The following NTN5 variants were observed in gnomAD, a reference collection of about 807,000 sequenced individuals.
The protein encoded by NTN5 is netrin-5.
NTN5 carries 42 observed loss-of-function variants against 38.7 expected under a neutral mutation model. That is an observed-to-expected ratio of 1.08 (90% CI 0.85 to 1.40). The LOEUF (loss-of-function observed/expected upper bound fraction) is 1.40, where lower values mean the gene tolerates loss of function less well. Ranked by LOEUF, NTN5 falls within the 40% of genes most tolerant of loss-of-function variation. The probability of loss-of-function intolerance (pLI) is 0.00; values close to 1 mark genes in which losing one functional copy is unlikely to be tolerated. For missense variants in NTN5, 658 were observed against 716.5 expected (o/e 0.92, Z 0.93); for synonymous variants, 329 against 303.9 (o/e 1.08, Z -0.86).
chr19:48,671,468 G>A (rs1358969299), intron 1 of NTN5, among the ~76,000 whole-genome samples: 1 of 152,006 alleles, frequency 6.6e-6, no homozygotes, highest in Non-Finnish European at 1.5e-5. Context: ...GGAGGCGCTC[G>A]GCACAGAGAA....
At position 48,664,688 on chromosome 19, in the gene NTN5, AC is replaced by A. The variant is rs1345837983; in HGVS notation, c.710del (p.Gly237ValfsTer62). On this transcript the variant is annotated frameshift_variant, in exon 3 of 7. Coordinates refer to ENST00000270235, the MANE Select transcript of NTN5 (RefSeq NM_145807.4). LOFTEE classifies it high-confidence loss of function. ...LFRLSGGRSG[G>X]VCERCRHHTA... ...TGTGGTGGCGGCACCGCTCACAAAC[AC>A]CCCCACTCCGGCCGCCCGACAGTCT... The A allele has an allele frequency of 6.8e-6, 11 of 1,606,850 alleles. No individual in the cohort carries two copies. The highest frequency in any genetic ancestry group is 4.0e-5 in the African/African-American group (3 of 74,652).
At position 48,670,645 on chromosome 19, in the gene NTN5, G is replaced by A. The variant is rs1386732067; in HGVS notation, c.342C>T (p.Ala114=). Residue 114 remains alanine, a synonymous_variant, in exon 2 of 7, where the codon GCC becomes GCT. Transcript: ENST00000270235. Reference sequence around the variant, plus strand: ...AGGTCACCCTTTCAGGGCCCCCTAAGGCCCCAGGCCAGGCGGGCCTGTGCC... The same window carrying A: ...AGGTCACCCTTTCAGGGCCCCCTAAAGCCCCAGGCCAGGCGGGCCTGTGCC... ...LLWHRPAWPG[A]LGGPERVTFH... The A allele has an allele frequency of 6.2e-7, 1 of 1,604,282 alleles. No homozygotes were observed. The highest frequency in any genetic ancestry group is 1.3e-5 in the African/African-American group (1 of 74,784).
intron 5 of NTN5, 30 bp from the exon 6 acceptor site, chr19:48,663,573 C>A (rs2031607458): frequency 6.2e-7 from 1 of 1,602,796 alleles, no homozygotes; most frequent in Admixed American, 1.7e-5. Context: ...CTGCAGTGGG[C>A]TCCTGGGGCC....
At chr19:48,669,847 T>TCACCATCACCACCACCACCATCACCACC (rs1568452628) in intron 2 of NTN5, among the ~76,000 whole-genome samples, 11 of 16,738 alleles carry the variant, frequency 6.6e-4, no homozygotes, top group African/African-American at 2.2e-3. Context: ...TCACCACCAC[T>TCACCATCACCACCACCACCATCACCACC]ACCATCACCA....
At chr19:48,663,296 C>T (rs1473674207) in intron 6 of NTN5, 167 bp downstream of exon 6, 3 of 725,364 alleles carry the variant, frequency 4.1e-6, no homozygotes, top group Non-Finnish European at 7.5e-6. Flanking sequence ...CCACTCCCCT[C>T]CCCATTTGTC....
intron 6 of NTN5, chr19:48,663,017 G>A (rs896589395): frequency 1.7e-5 from 6 of 352,188 alleles, no homozygotes; most frequent in East Asian, 7.4e-5. Flanking sequence ...TAGACCCCAA[G>A]GTCATGGAGC....
intron 2 of NTN5, among the ~76,000 whole-genome samples, chr19:48,665,202 A>G (rs376864229): frequency 2.0e-5 from 3 of 151,756 alleles, no homozygotes; most frequent in African/African-American, 4.8e-5. Context: ...TTGGGAGGCC[A>G]AGGTAGGTGG....
intron 2 of NTN5, chr19:48,667,347 G>A: frequency 2.7e-6 from 1 of 376,240 alleles, no homozygotes; most frequent in Non-Finnish European, 5.4e-6. Context: ...CTCTTACCCG[G>A]GTTTGGAGGG....
intron 2 of NTN5, among the ~76,000 whole-genome samples, chr19:48,665,015 C>A (rs902652669): frequency 6.6e-6 from 1 of 151,770 alleles, no homozygotes; most frequent in Non-Finnish European, 1.5e-5. Flanking sequence ...CAGGTTCAAG[C>A]GATTCTCCTG....
At position 48,663,525 on chromosome 19, in the gene NTN5, T is replaced by G; in HGVS notation, c.1043A>C (p.Tyr348Ser). 1 of 1,614,190 alleles carries G rather than the reference T, an allele frequency of 6.2e-7. No individual in the cohort carries two copies. The highest frequency in any genetic ancestry group is 8.5e-7 in the Non-Finnish European group (1 of 1,179,998). Residue 348 changes from tyrosine (Y) to serine (S), a missense_variant, in exon 6 of 7, where the codon TAC (tyrosine) becomes TCC (serine). Transcript: ENST00000270235. ...AYSSDPQCQN[Y>S]CNMSDTRVHM... ...TACCCTGGTGTCCGACATATTGCAG[T>G]AGTTTTGACACTGAGGGTCTGGGGA...
Position 48,662,031 on chromosome 19 carries a change from C to T in NTN5, c.1116G>A (p.Ala372=). The change falls in exon 7 of 7, where the codon GCG becomes GCA. Residue 372 remains alanine, a synonymous_variant. Coordinates refer to ENST00000270235, the MANE Select transcript of NTN5 (RefSeq NM_145807.4). ...RYCQQDHVLR[A]QVLASEAAGP... is the part of the protein sequence containing the mutation. ...CCGCCGCCTCGGACGCTAGCACCTGCGCGCGGAGAACTGTGGGGAGGGGAG... is the reference window on the plus strand; with the variant it reads ...CCGCCGCCTCGGACGCTAGCACCTGTGCGCGGAGAACTGTGGGGAGGGGAG... 5.4e-6 allele frequency: 8 copies of T among 1,480,538 alleles called. No homozygotes were observed. Among genetic ancestry groups the T allele is most frequent in the Non-Finnish European group, 7.1e-6 (8 of 1,123,870 alleles). 91.7% of individuals were successfully genotyped at this position (1,480,538 alleles called of 1,614,324 possible).
intron 5 of NTN5, 86 bp from the exon 6 acceptor site, chr19:48,663,629 A>G: frequency 6.5e-7 from 1 of 1,529,958 alleles, no homozygotes; most frequent in Admixed American, 1.7e-5. Flanking sequence ...TTCCATCTTG[A>G]TGGCCAGCTG....
chr19:48,669,420 T>A (rs140124382), intron 2 of NTN5, among the ~76,000 whole-genome samples: 1 of 17,342 alleles, frequency 5.8e-5, no homozygotes, highest in Admixed American at 5.9e-4. Flanking sequence ...ACCACCACCA[T>A]CACCACCATC....
chr19:48,668,995 CCAT>C (rs1413442690), intron 2 of NTN5, among the ~76,000 whole-genome samples: 1 of 150,220 alleles, frequency 6.7e-6, no homozygotes, highest in African/African-American at 2.5e-5. Context: ...ATCACCATCA[CCAT>C]CATCACCACT....
At position 48,664,218 on chromosome 19, in the gene NTN5, C is replaced by T. The variant is rs755735670; in HGVS notation, c.895G>A (p.Gly299Arg). The change falls in exon 4 of 7, where the codon GGG becomes AGG. Residue 299 changes from glycine (G) to arginine (R), a missense_variant. Physicochemically the swap from Gly to Arg is moderately radical, Grantham distance 125 (BLOSUM62 -2). Coordinates refer to ENST00000270235, the MANE Select transcript of NTN5 (RefSeq NM_145807.4). ...QTSGQCTCKL[G>R]VTGLTCNRCG... is the part of the protein sequence containing the mutation. ...CGGTTGCAGGTCAGGCCTGTGACCC[C>T]TAACTTGCAGGTGCACTGCCCACTG... 1.2e-6 allele frequency: 2 copies of T among 1,611,886 alleles called. No homozygotes were observed. Among genetic ancestry groups the T allele is most frequent in the Non-Finnish European group, 1.7e-6 (2 of 1,179,176 alleles).
At position 48,661,449 on chromosome 19, in the gene NTN5, G is replaced by C. The variant is rs2031534626; in HGVS notation, c.*228C>G. 1 of 430,296 alleles carries C rather than the reference G, an allele frequency of 2.3e-6. No homozygotes were observed. The highest frequency in any genetic ancestry group is 4.8e-5 in the South Asian group (1 of 20,856). The allele number at this position is 430,296 out of a possible 1,614,324, so 26.7% of individuals were successfully genotyped here. On this transcript the variant is annotated 3_prime_UTR_variant, in exon 7 of 7. Coordinates refer to ENST00000270235, the MANE Select transcript of NTN5 (RefSeq NM_145807.4). ...CTTTATTGGGGGAAACAGATCACTG[G>C]CGGGGAATAAGCCACAGGCCAAAGG... is the stretch of plus-strand genomic sequence containing the variant.
intron 2 of NTN5, among the ~76,000 whole-genome samples, chr19:48,669,234 T>C (rs1272968723): frequency 2.2e-4 from 2 of 8,996 alleles, no homozygotes. Context: ...ACGACCATCA[T>C]CACCACCACC....
chr19:48,661,771 C>G lies in NTN5; in HGVS notation c.1376G>C (p.Trp459Ser). ...HGLALPWRPR[W>S]ARPLKRLQQE... ...CTGCAGCCGCTTCAGGGGCCGGGCC[C>G]AGCGCGGCCTCCATGGCAGCGCGAG... Residue 459 changes from tryptophan to serine, a missense_variant, in exon 7 of 7, where the codon TGG becomes TCG. Transcript: ENST00000270235. 2 of 1,462,950 alleles carry G rather than the reference C, an allele frequency of 1.4e-6. No homozygotes were observed. The highest frequency in any genetic ancestry group is 1.8e-6 in the Non-Finnish European group (2 of 1,118,198). 90.6% of individuals were successfully genotyped at this position (1,462,950 alleles called of 1,614,324 possible). A position where few individuals can be genotyped will look rare whatever the true frequency, so the allele number is the denominator to read the frequency against.
intron 1 of NTN5, among the ~76,000 whole-genome samples, chr19:48,672,551 A>G (rs996551530): frequency 6.6e-6 from 1 of 152,124 alleles, no homozygotes; most frequent in Non-Finnish European, 1.5e-5. Context: ...CGCCCTCCCA[A>G]GGAGCCTGGC....
Sources: gnomAD v4.1 joint callset for allele counts (sites outside exome capture counted in the v4.1 genomes callset) on GRCh38, gnomAD v4.1.1 for gene constraint, MANE v1.5 for transcripts, NCBI Gene and HGNC (gene_info 2026-07-23, HGNC 2026-07-21) for gene names.